LLGL1: variants seen among roughly 807,000 people sequenced by gnomAD.
LLGL1 encodes the protein LLGL scribble cell polarity complex component 1, also known as lethal(2) giant larvae protein homolog 1.
Under a neutral mutation model 110.6 loss-of-function variants are expected in LLGL1, and 58 were observed. That is an observed-to-expected ratio of 0.52 (90% CI 0.42 to 0.65). The LOEUF (loss-of-function observed/expected upper bound fraction) is 0.65, where lower values mean the gene tolerates loss of function less well. LLGL1 is among the 30% of genes least tolerant of loss of function. LLGL1 has a pLI of 0.00. For missense variants in LLGL1, 1,229 were observed against 1,462.1 expected (o/e 0.84, Z 2.60); for synonymous variants, 674 against 607.2 (o/e 1.11, Z -1.62).
At chr17:18,230,149 G>T in intron 2 of LLGL1, 111 bp downstream of exon 2, 1 of 766,108 alleles carries the variant, frequency 1.3e-6, no homozygotes, top group Non-Finnish European at 2.1e-6. Flanking sequence ...GAGGACAGAG[G>T]TGCTCTGATG....
Position 18,235,195 on chromosome 17 carries a change from G to A in LLGL1, c.1167G>A (p.Pro389=), listed in dbSNP as rs959965269. 1.2e-5 allele frequency: 20 copies of A among 1,611,982 alleles called. No homozygotes were observed. The highest frequency in any genetic ancestry group is 2.2e-5 in the East Asian group (1 of 44,880). ...WPAVPAPYLA[P]LHSSAITCSA... ...CTGTGCCTGCCCCATACCTGGCCCC[G>A]CTGCACTCCTCTGCAATCACTTGCT... Residue 389 remains proline (P), a synonymous_variant, in exon 10 of 23, where the codon CCG becomes CCA. Transcript: ENST00000316843.
chr17:18,239,733 C>T (rs969673899), intron 16 of LLGL1, among the ~76,000 whole-genome samples: 2 of 150,454 alleles, frequency 1.3e-5, no homozygotes, highest in African/African-American at 4.9e-5. Flanking sequence ...GCGGGTGCAG[C>T]TGGGGGTGGG....
At chr17:18,242,687 C>T (rs1395747153) in intron 21 of LLGL1, 56 bp from the exon 22 acceptor site, 5 of 1,566,162 alleles carry the variant, frequency 3.2e-6, no homozygotes, top group Non-Finnish European at 4.3e-6. Context: ...CCTCCGTCCC[C>T]AGGGCTGCCA....
chr17:18,232,849 G>A (rs2047599282), intron 4 of LLGL1, 47 bp downstream of exon 4: 4 of 1,610,266 alleles, frequency 2.5e-6, no homozygotes, highest in Non-Finnish European at 2.5e-6. Flanking sequence ...GGGAGGATCT[G>A]GGGGAGGCTG....
chr17:18,241,316 G>A (rs2047825887), intron 17 of LLGL1, 135 bp from the exon 18 acceptor site: 2 of 1,135,556 alleles, frequency 1.8e-6, no homozygotes, highest in Non-Finnish European at 1.2e-6. Context: ...GCAGCCAGGT[G>A]TACAGGCACG....
chr17:18,228,536 G>A (rs1489170327), intron 1 of LLGL1, among the ~76,000 whole-genome samples: 1 of 151,724 alleles, frequency 6.6e-6, no homozygotes, highest in Non-Finnish European at 1.5e-5. Context: ...GGTGACTTCT[G>A]TGTGTTTTGA....
At position 18,234,425 on chromosome 17, in the gene LLGL1, C is replaced by A. The variant is rs202009417; in HGVS notation, c.850+17C>A. 2 of 1,609,754 alleles carry A rather than the reference C, an allele frequency of 1.2e-6. No individual in the cohort carries two copies. The highest frequency in any genetic ancestry group is 3.3e-5 in the Admixed American group (2 of 59,892). On this transcript the variant is annotated intron_variant, in intron 7 of 22. Coordinates refer to ENST00000316843, the MANE Select transcript of LLGL1 (RefSeq NM_004140.4). Reference sequence around the variant, plus strand: ...CACCTTACGGTGAGTGCTGGGGACACCTTAGCCAGAGGGTGGTGATGGGAG... The same window carrying A: ...CACCTTACGGTGAGTGCTGGGGACAACTTAGCCAGAGGGTGGTGATGGGAG...
At chr17:18,232,080 C>G (rs2047583686) in intron 2 of LLGL1, among the ~76,000 whole-genome samples, 1 of 152,242 alleles carries the variant, frequency 6.6e-6, no homozygotes, top group Non-Finnish European at 1.5e-5. Context: ...CCTGCCTGAT[C>G]CCATCCGGCA....
At chr17:18,241,076 C>A in intron 17 of LLGL1, 1 of 618,932 alleles carries the variant, frequency 1.6e-6, no homozygotes, top group South Asian at 2.4e-5. Context: ...CTGCTGAGTT[C>A]CCCTGGGAGG....
In LLGL1 at chr17:18,241,326, G is replaced by A. The variant is rs548643471; in HGVS notation, c.2503-125G>A. ...GTGGGGCAGCCAGGTGTACAGGCAC[G>A]GGAGGCCACGTAGCATGCAGCTGGG... is the stretch of plus-strand genomic sequence containing the variant. On this transcript the variant is annotated intron_variant, in intron 17 of 22. Coordinates refer to ENST00000316843, the MANE Select transcript of LLGL1 (RefSeq NM_004140.4). 41 of 1,269,186 alleles carry A rather than the reference G, an allele frequency of 3.2e-5. No homozygotes were observed. In the South Asian group the frequency reaches 3.4e-4, roughly 10 times the overall value. The allele number at this position is 1,269,186 out of a possible 1,614,324, so 78.6% of individuals were successfully genotyped here.
chr17:18,242,884 T>G, intron 22 of LLGL1, 62 bp downstream of exon 22: 1 of 1,444,158 alleles, frequency 6.9e-7, no homozygotes, highest in Non-Finnish European at 9.3e-7. Context: ...TCAGCCCGTC[T>G]GGGTACCATT....
rs2047735339 is a variant in LLGL1, at chr17:18,238,055, G to A, written c.1905-12G>A. ...CTGCTCTATAGCACGACTGGACCCT[G>A]TCTTCCCCCAGGTGCACTCTTCACC... On this transcript the variant is annotated splice_polypyrimidine_tract_variant and intron_variant, in intron 14 of 22. Coordinates refer to ENST00000316843, the MANE Select transcript of LLGL1 (RefSeq NM_004140.4). 2 of 1,613,058 alleles carry A rather than the reference G, an allele frequency of 1.2e-6. No homozygotes were observed. Among genetic ancestry groups the A allele is most frequent in the Non-Finnish European group, 1.7e-6 (2 of 1,179,870 alleles).
At position 18,240,518 on chromosome 17, in the gene LLGL1, G is replaced by A; in HGVS notation, c.2207-60G>A. ...GGGAGGGACCTGCAGTCTGTGGGAA[G>A]ACCCCAGGGGAGATGCCTGGCCCAC... On this transcript the variant is annotated intron_variant, in intron 16 of 22. Transcript: ENST00000316843. This position sits in a 1 kb window ranked among gnomAD's most constrained non-coding sequence, Gnocchi z 5.3. 4 of 1,499,366 alleles carry A rather than the reference G, an allele frequency of 2.7e-6. No homozygotes were observed. The allele number at this position is 1,499,366 out of a possible 1,614,324, so 92.9% of individuals were successfully genotyped here.
At position 18,241,692 on chromosome 17, in the gene LLGL1, G is replaced by A. The variant is rs1426603015; in HGVS notation, c.2744G>A (p.Cys915Tyr). 2 of 1,613,312 alleles carry A rather than the reference G, an allele frequency of 1.2e-6. No individual in the cohort carries two copies. Among genetic ancestry groups the A allele is most frequent in the Non-Finnish European group, 1.7e-6 (2 of 1,179,868 alleles). Reference sequence around the variant, plus strand: ...GAGGACATCAGCGGCATCGCTTCGTGCGTCTTTACGCGCCATGGCCAGGGT... The same window carrying A: ...GAGGACATCAGCGGCATCGCTTCGTACGTCTTTACGCGCCATGGCCAGGGT... Reference protein sequence around the residue: ...RKEDISGIASCVFTRHGQGFY... With the variant: ...RKEDISGIASYVFTRHGQGFY... Residue 915 changes from cysteine (C) to tyrosine (Y), a missense_variant, in exon 18 of 23, where the codon TGC becomes TAC. Cys to Tyr is a radical substitution (Grantham distance 194, BLOSUM62 -2). Coordinates refer to ENST00000316843, the MANE Select transcript of LLGL1 (RefSeq NM_004140.4).
In LLGL1 at chr17:18,238,158, C is replaced by T. The variant is rs746469588; in HGVS notation, c.1996C>T (p.Arg666Cys). 8.1e-6 allele frequency: 13 copies of T among 1,613,438 alleles called. No homozygotes were observed. Among genetic ancestry groups the T allele is most frequent in the East Asian group, 2.2e-5 (1 of 44,880 alleles). The change falls in exon 15 of 23, where the codon CGC becomes TGC. Residue 666 changes from arginine to cysteine, a missense_variant. Coordinates refer to ENST00000316843, the MANE Select transcript of LLGL1 (RefSeq NM_004140.4). ...GAAGTCACTGCGCCAGTCTTTCCGGCGCATTCGCAAGAGTCGTGTCTCTGG... is the reference window on the plus strand; with the variant it reads ...GAAGTCACTGCGCCAGTCTTTCCGGTGCATTCGCAAGAGTCGTGTCTCTGG... ...LKKSLRQSFR[R>C]IRKSRVSGKK...
At chr17:18,235,647 G>T in intron 11 of LLGL1, 110 bp downstream of exon 11, 1 of 1,064,302 alleles carries the variant, frequency 9.4e-7, no homozygotes, top group Non-Finnish European at 1.4e-6. Context: ...GGCCCCTGGT[G>T]GGACCAGGTA....
chr17:18,242,211 C>T lies in LLGL1; in HGVS notation c.2928C>T (p.Thr976=). ...ESPKLSQANG[T]PSILLAPQSL... Reference sequence around the variant, plus strand: ...CCAAGCTGAGCCAGGCTAACGGGACCCCAAGCATCCTGCTGGCCCCACAGA... The same window carrying T: ...CCAAGCTGAGCCAGGCTAACGGGACTCCAAGCATCCTGCTGGCCCCACAGA... The change falls in exon 20 of 23, where the codon ACC becomes ACT. Residue 976 remains threonine (T), a synonymous_variant. Transcript: ENST00000316843. 6.2e-7 allele frequency: 1 copy of T among 1,614,092 alleles called. No individual in the cohort carries two copies. Among genetic ancestry groups the T allele is most frequent in the South Asian group, 1.1e-5 (1 of 91,090 alleles).
intron 14 of LLGL1, 35 bp downstream of exon 14, chr17:18,237,808 C>A (rs770700429): frequency 6.4e-7 from 1 of 1,574,384 alleles, no homozygotes; most frequent in African/African-American, 1.3e-5. Flanking sequence ...CAGTTGGAGC[C>A]CCCAGCGAGA....
At chr17:18,231,460 A>C (rs4386179) in intron 2 of LLGL1, among the ~76,000 whole-genome samples, 1 of 152,078 alleles carries the variant, frequency 6.6e-6, no homozygotes, top group African/African-American at 2.4e-5. Context: ...ACCCTCTGTC[A>C]TGGGGCCCCC....
Sources: allele counts gnomAD v4.1 joint callset (sites outside exome capture counted in the v4.1 genomes callset), GRCh38; gene constraint gnomAD v4.1.1; non-coding constraint Gnocchi (gnomAD v3.1); transcripts MANE v1.5; gene names NCBI Gene and HGNC (gene_info 2026-07-23, HGNC 2026-07-21).